The following C12orf42 variants were observed in gnomAD, a reference collection of about 807,000 sequenced individuals.
C12orf42 encodes the protein uncharacterized protein C12orf42.
C12orf42 carries 25 observed loss-of-function variants against 21.6 expected under a neutral mutation model. That is an observed-to-expected ratio of 1.16 (90% CI 0.84 to 1.62). The LOEUF is 1.62. C12orf42 is among the 40% of genes most tolerant of loss of function. C12orf42 has a pLI of 0.00. For missense variants in C12orf42, 483 were observed against 459.3 expected (o/e 1.05, Z -0.47); for synonymous variants, 174 against 175.0 (o/e 0.99, Z 0.05).
At chr12:103,476,722 G>A (rs1007232602) in intron 2 of C12orf42, among the ~76,000 whole-genome samples, 2 of 152,122 alleles carry the variant, frequency 1.3e-5, no homozygotes, top group African/African-American at 4.8e-5. Context: ...ACTTACTAAT[G>A]GCACATAGCA....
chr12:103,248,952 T>C (rs1400018610), intron 10 of C12orf42, among the ~76,000 whole-genome samples: 1 of 152,038 alleles, frequency 6.6e-6, no homozygotes, highest in Non-Finnish European at 1.5e-5. Context: ...TCATTCTCTG[T>C]GAATACATAG....
intron 4 of C12orf42, among the ~76,000 whole-genome samples, chr12:103,341,112 C>CAAAA (rs34154888): frequency 0.015 from 732 of 47,630 alleles, 47 homozygotes; most frequent in East Asian, 0.13. Context: ...GACTCTGTCT[C>CAAAA]AAAAAAAAAA....
chr12:103,159,106 G>A, the C12orf42 span, among the ~76,000 whole-genome samples: 555 of 152,304 alleles, frequency 3.6e-3, 2 homozygotes, highest in Non-Finnish European at 6.1e-3. Flanking sequence ...ATAGAAAGGA[G>A]AGAATGGATT....
chr12:103,513,055 T>C, the C12orf42 span, among the ~76,000 whole-genome samples: 4 of 151,484 alleles, frequency 2.6e-5, no homozygotes, highest in Non-Finnish European at 4.4e-5. Context: ...CAGCCCAGCA[T>C]TCCACTGCTC....
At chr12:103,519,835 G>A in the C12orf42 span, among the ~76,000 whole-genome samples, 1 of 152,248 alleles carries the variant, frequency 6.6e-6, no homozygotes, top group East Asian at 1.9e-4. Context: ...CAGCCATGAG[G>A]AATGAGGCTG....
the C12orf42 span, among the ~76,000 whole-genome samples, chr12:103,052,900 A>G: frequency 6.6e-6 from 1 of 152,042 alleles, no homozygotes; most frequent in East Asian, 1.9e-4. Flanking sequence ...GAACATTGAA[A>G]AGACAATTCT....
At chr12:103,124,358 A>G in the C12orf42 span, among the ~76,000 whole-genome samples, 12 of 152,002 alleles carry the variant, frequency 7.9e-5, 1 homozygote, top group Admixed American at 7.9e-4. Context: ...GAAGAAATGG[A>G]GATCTTTCTT....
chr12:103,298,208 A>C (rs1364913825), downstream of C12orf42, among the ~76,000 whole-genome samples: 1 of 152,056 alleles, frequency 6.6e-6, no homozygotes, highest in African/African-American at 2.4e-5. Context: ...GGAAAACCTC[A>C]TTGTCTCAGC....
chr12:103,560,085 T>C, the C12orf42 span, among the ~76,000 whole-genome samples: 1 of 152,228 alleles, frequency 6.6e-6, no homozygotes, highest in African/African-American at 2.4e-5. Flanking sequence ...GGCTAGACTG[T>C]AAATTTATGT....
the C12orf42 span, among the ~76,000 whole-genome samples, chr12:103,219,637 G>A: frequency 4.6e-5 from 7 of 152,202 alleles, no homozygotes; most frequent in African/African-American, 1.4e-4. Context: ...AGACTTTTAT[G>A]TGGCCAACAA....
intron 4 of C12orf42, among the ~76,000 whole-genome samples, chr12:103,292,965 A>G (rs2036918886): frequency 6.6e-6 from 1 of 152,040 alleles, no homozygotes; most frequent in Non-Finnish European, 1.5e-5. Context: ...AGAAAACTAG[A>G]AAAGGCCACT....
chr12:103,293,164 T>C (rs2136378509), intron 4 of C12orf42, among the ~76,000 whole-genome samples: 1 of 152,198 alleles, frequency 6.6e-6, no homozygotes, highest in African/African-American at 2.4e-5. Flanking sequence ...TAAGATTAAT[T>C]CCCTTCCCTT....
intron 3 of C12orf42, among the ~76,000 whole-genome samples, chr12:103,391,083 T>C (rs561979783): frequency 6.6e-6 from 1 of 152,336 alleles, no homozygotes; most frequent in Non-Finnish European, 1.5e-5. Context: ...TGGTTTATTT[T>C]ACTTGGCATA....
the C12orf42 span, among the ~76,000 whole-genome samples, chr12:103,153,381 G>A: frequency 1.2e-4 from 19 of 152,042 alleles, no homozygotes; most frequent in Admixed American, 7.9e-4. Flanking sequence ...AAATACAACA[G>A]TTAAAAGGCA....
the C12orf42 span, among the ~76,000 whole-genome samples, chr12:103,054,871 A>G: frequency 1.5e-3 from 226 of 152,034 alleles, no homozygotes; most frequent in Admixed American, 3.2e-3. Context: ...ATTTGGGGTT[A>G]TACTGCTTGA....
At chr12:103,126,317 C>T in the C12orf42 span, among the ~76,000 whole-genome samples, 1 of 152,190 alleles carries the variant, frequency 6.6e-6, no homozygotes, top group East Asian at 1.9e-4. Context: ...ACAGCTCTGG[C>T]ATTTTCCGTG....
At chr12:103,497,260 C>T (rs992092189), upstream of C12orf42, among the ~76,000 whole-genome samples, 8 of 152,128 alleles carry the variant, frequency 5.3e-5, no homozygotes, top group African/African-American at 1.9e-4. Flanking sequence ...AAACTTGCTC[C>T]AAATATAAAA....
rs184098684 is a variant in C12orf42 at position 103,389,366 on chromosome 12, C to G, written c.147+12241G>C. ...GATCCACAATGACTCTGTTCCCCAT[C>G]GTGACATGTATCTTCTCAGGATCTG... is the stretch of plus-strand genomic sequence containing the variant. On this transcript the variant is annotated intron_variant, in intron 3 of 5. Transcript: ENST00000548883. Among the ~76,000 whole-genome samples the G allele has an allele frequency of 3.3e-5, 5 of 152,208 alleles. No homozygotes were observed. The East Asian group carries it at 9.6e-4, about 29-fold the overall frequency.
chr12:103,073,146 GA>G, the C12orf42 span, among the ~76,000 whole-genome samples: 2 of 152,078 alleles, frequency 1.3e-5, no homozygotes, highest in Non-Finnish European at 2.9e-5. Context: ...CGGACATATA[GA>G]GGGGAACAAC....
Sources: allele counts gnomAD v4.1 joint callset (sites outside exome capture counted in the v4.1 genomes callset), GRCh38; gene constraint gnomAD v4.1.1; transcripts MANE v1.5; gene names NCBI Gene and HGNC (gene_info 2026-07-23, HGNC 2026-07-21).